The following RNF111 variants were observed in gnomAD, a reference collection of about 807,000 sequenced individuals.
The protein encoded by RNF111 is ring finger protein 111, also known as E3 ubiquitin-protein ligase Arkadia.
A neutral mutation model predicts 95.1 loss-of-function variants in RNF111; 17 were observed. The ratio of observed to expected loss-of-function variants is 0.18; its 90% CI spans 0.12 to 0.27. The LOEUF (loss-of-function observed/expected upper bound fraction) is 0.27, where lower values mean the gene tolerates loss of function less well. Among genes scored for constraint, RNF111 ranks in the 10% least tolerant of loss-of-function variants. RNF111 has a pLI of 1.00. For synonymous variants in RNF111, 440 were observed against 414.8 expected (o/e 1.06, Z -0.74); for missense variants, 1,189 against 1,210.4 (o/e 0.98, Z 0.26).
At chr15:59,057,502 A>G (rs1321992643) in intron 4 of RNF111, among the ~76,000 whole-genome samples, 1 of 152,150 alleles carries the variant, frequency 6.6e-6, no homozygotes, top group Admixed American at 6.5e-5. Context: ...TTTCAGATTT[A>G]ATTGTCGTGA....
chr15:59,013,078 G>C (rs1485595415), intron 1 of RNF111, among the ~76,000 whole-genome samples: 2 of 152,142 alleles, frequency 1.3e-5, no homozygotes, highest in Non-Finnish European at 2.9e-5. Flanking sequence ...GCAGTAGTGA[G>C]AGAATGGATG....
chr15:59,073,511 C>G (rs192454020), intron 6 of RNF111, among the ~76,000 whole-genome samples: 1 of 151,740 alleles, frequency 6.6e-6, no homozygotes, highest in African/African-American at 2.4e-5. Context: ...AAACTACTTT[C>G]TTTGCTCCTC....
At chr15:59,003,512 C>G (rs981068226) in intron 1 of RNF111, among the ~76,000 whole-genome samples, 1 of 152,192 alleles carries the variant, frequency 6.6e-6, no homozygotes, top group Non-Finnish European at 1.5e-5. Context: ...CATCCTCCCA[C>G]CTCAGCCTCT....
At position 59,086,154 on chromosome 15, in the gene RNF111, C is replaced by T. The variant is rs149530904; in HGVS notation, c.2550+369C>T. 4.4e-3 allele frequency among the ~76,000 whole-genome samples: 665 copies of T among 152,196 alleles called. 4 individuals are homozygous for T. Among genetic ancestry groups the T allele is most frequent in the Middle Eastern group, 0.041 (12 of 294 alleles). ...CTTTTTTTTTCGACAGAGTCTCACT[C>T]TGTCACCCAGGCTGGAGTGCAGTAG... is the stretch of plus-strand genomic sequence containing the variant. On this transcript the variant is annotated intron_variant, in intron 10 of 13. Coordinates refer to ENST00000348370, the MANE Select transcript of RNF111 (RefSeq NM_017610.8).
intron 2 of RNF111, among the ~76,000 whole-genome samples, chr15:59,051,191 C>T (rs767431118): frequency 5.9e-5 from 9 of 152,140 alleles, no homozygotes; most frequent in Non-Finnish European, 1.3e-4. Context: ...CGGTGGCTCA[C>T]GCCTGTAATC....
chr15:59,010,701 C>G (rs1287346286), intron 1 of RNF111, among the ~76,000 whole-genome samples: 1 of 152,134 alleles, frequency 6.6e-6, no homozygotes, highest in Non-Finnish European at 1.5e-5. Flanking sequence ...CACATCTGAC[C>G]TCCACATCTG....
chr15:59,041,229 T>A (rs929806720), intron 2 of RNF111, among the ~76,000 whole-genome samples: 1 of 152,052 alleles, frequency 6.6e-6, no homozygotes, highest in Non-Finnish European at 1.5e-5. Context: ...GTTTGCAGAC[T>A]TTTTTTTATT....
intron 5 of RNF111, among the ~76,000 whole-genome samples, chr15:59,060,028 G>A (rs2042367179): frequency 6.6e-6 from 1 of 152,212 alleles, no homozygotes; most frequent in Non-Finnish European, 1.5e-5. Flanking sequence ...GGGCAGAATT[G>A]AGAAACATTC....
At chr15:59,055,523 T>TCATTCAGCAA (rs1566916030) in intron 3 of RNF111, among the ~76,000 whole-genome samples, 159 bp from the exon 4 acceptor site, 6 of 151,680 alleles carry the variant, frequency 4.0e-5, no homozygotes, top group African/African-American at 7.3e-5. Flanking sequence ...TTAGGTCAAT[T>TCATTCAGCAA]AGTTTACCGA....
intron 10 of RNF111, among the ~76,000 whole-genome samples, chr15:59,087,737 G>A (rs1291928667): frequency 6.6e-6 from 1 of 152,014 alleles, no homozygotes; most frequent in Admixed American, 6.5e-5. Context: ...TGTCTCTGGG[G>A]TGGCAGAGGT....
chr15:59,095,187 G>T lies in RNF111; in HGVS notation c.*287G>T. On this transcript the variant is annotated 3_prime_UTR_variant, in exon 14 of 14. Transcript: ENST00000348370. ...TTCTTTGCACATATTATGGGCTTGT[G>T]ACCCTAAACTTGCAGGCAAGGTTAG... 1 of 298,428 alleles carries T rather than the reference G, an allele frequency of 3.4e-6. No individual in the cohort carries two copies. The highest frequency in any genetic ancestry group is 6.3e-6 in the Non-Finnish European group (1 of 159,550). 18.5% of individuals were successfully genotyped at this position (298,428 alleles called of 1,614,324 possible).
At chr15:59,062,024 T>C (rs2042459261) in intron 5 of RNF111, among the ~76,000 whole-genome samples, 1 of 152,042 alleles carries the variant, frequency 6.6e-6, no homozygotes, top group Non-Finnish European at 1.5e-5. Flanking sequence ...TTCTGTGTTT[T>C]TTGACCACTA....
chr15:59,032,341 T>A (rs1287952273), intron 2 of RNF111, among the ~76,000 whole-genome samples: 1 of 152,220 alleles, frequency 6.6e-6, no homozygotes, highest in African/African-American at 2.4e-5. Context: ...TTGACTGTTA[T>A]GAATACTTTT....
chr15:59,073,966 G>A (rs1297153650), intron 6 of RNF111, among the ~76,000 whole-genome samples: 1 of 152,132 alleles, frequency 6.6e-6, no homozygotes, highest in Non-Finnish European at 1.5e-5. Flanking sequence ...AGAGCTCTTT[G>A]GTGACTATGT....
At chr15:59,004,147 A>T (rs1196854287) in intron 1 of RNF111, 3 of 1,213,852 alleles carry the variant, frequency 2.5e-6, no homozygotes, top group African/African-American at 3.2e-5. Flanking sequence ...TCCCTCATAG[A>T]TGGCAGTTCT....
intron 1 of RNF111, among the ~76,000 whole-genome samples, chr15:59,006,606 T>G (rs2039550182): frequency 1.3e-5 from 2 of 152,216 alleles, no homozygotes; most frequent in South Asian, 2.1e-4. Flanking sequence ...TTGCTATTTT[T>G]TTGCTTTACA....
chr15:59,093,003 G>GA (rs1276859053), intron 13 of RNF111, among the ~76,000 whole-genome samples: 7 of 151,634 alleles, frequency 4.6e-5, no homozygotes, highest in African/African-American at 1.5e-4. Flanking sequence ...CCCTGTCTCT[G>GA]AAAAAAAAGA....
chr15:58,989,005 C>T (rs1275120398), intron 1 of RNF111, among the ~76,000 whole-genome samples: 2 of 152,104 alleles, frequency 1.3e-5, no homozygotes, highest in African/African-American at 2.4e-5. Context: ...CTAAAAAGAA[C>T]AAACTGGGAA....
chr15:59,048,212 C>G (rs1274481074), intron 2 of RNF111, among the ~76,000 whole-genome samples: 1 of 152,148 alleles, frequency 6.6e-6, no homozygotes, highest in African/African-American at 2.4e-5. Flanking sequence ...ACCCAAATGT[C>G]CATCAGTGGA....
Sources: allele counts gnomAD v4.1 joint callset (sites outside exome capture counted in the v4.1 genomes callset), GRCh38; gene constraint gnomAD v4.1.1; transcripts MANE v1.5; gene names NCBI Gene and HGNC (gene_info 2026-07-23, HGNC 2026-07-21).